The following ATP10A variants were observed in gnomAD, a reference collection of about 807,000 sequenced individuals.
ATP10A encodes ATPase phospholipid transporting 10A (putative), also known as phospholipid-transporting ATPase VA.
In ATP10A, 111 loss-of-function variants were observed where a neutral mutation model predicts 147.8. The observed-to-expected ratio is 0.75, with a 90% CI of 0.64 to 0.88. ATP10A has a LOEUF of 0.88. ATP10A is among the 40% of genes least tolerant of loss of function. The pLI is 0.00. For missense variants in ATP10A, 1,927 were observed against 1,959.0 expected, an observed-to-expected ratio of 0.98 and a Z score of 0.31; for synonymous variants, 875 against 841.6, an observed-to-expected ratio of 1.04 and a Z score of -0.69.
At chr15:25,749,792 C>A (rs1490129289) in intron 2 of ATP10A, among the ~76,000 whole-genome samples, 1 of 151,972 alleles carries the variant, frequency 6.6e-6, no homozygotes, top group East Asian at 1.9e-4. Flanking sequence ...AAAAAAGAGA[C>A]CAAAATTGAA....
At position 25,713,727 on chromosome 15, in the gene ATP10A, T is replaced by A. The variant is rs201969933; in HGVS notation, c.2291A>T (p.Tyr764Phe). 1.1e-5 allele frequency: 17 copies of A among 1,614,070 alleles called. No individual in the cohort carries two copies. Among genetic ancestry groups the A allele is most frequent in the Non-Finnish European group, 1.4e-5 (17 of 1,180,002 alleles). The change falls in exon 10 of 21, where the codon TAC becomes TTC. Residue 764 changes from tyrosine (Y) to phenylalanine (F), a missense_variant. By Grantham distance (22) the Tyr-to-Phe change is conservative. Transcript: ENST00000555815. ...RHPLTDEINVYTKGADSVVMD... is the reference protein window; with the variant it reads ...RHPLTDEINVFTKGADSVVMD... Reference sequence around the variant, plus strand: ...GACCACTGAGTCGGCCCCCTTGGTGTAGACGTTGATCTCATCGGTAAGCGG... The same window carrying A: ...GACCACTGAGTCGGCCCCCTTGGTGAAGACGTTGATCTCATCGGTAAGCGG...
At chr15:25,794,148 C>G (rs1256880336) in intron 1 of ATP10A, among the ~76,000 whole-genome samples, 2 of 152,176 alleles carry the variant, frequency 1.3e-5, no homozygotes, top group South Asian at 2.1e-4. Flanking sequence ...AAAAGCCAGA[C>G]AGGCAGATTG....
chr15:25,783,310 G>C (rs972389550), intron 1 of ATP10A, among the ~76,000 whole-genome samples: 1 of 152,152 alleles, frequency 6.6e-6, no homozygotes, highest in African/African-American at 2.4e-5. Flanking sequence ...ACTCTCACCC[G>C]AGTTCCAAGA....
rs1555468162 is a variant in ATP10A, at chr15:25,777,096, C to CATGTGTGTGTGT, written c.654+3922_654+3923insACACACACACAT. On this transcript the variant is annotated intron_variant, in intron 2 of 20. Coordinates refer to ENST00000555815, the MANE Select transcript of ATP10A (RefSeq NM_024490.4). ...GTGCATGCGTGTGTGTGCATACGTG[C>CATGTGTGTGTGT]GTGTGTGTGTGTGTGTGTGTGTACC... Among the ~76,000 whole-genome samples, 1,072 of 149,802 alleles carry CATGTGTGTGTGT rather than the reference C, an allele frequency of 7.2e-3. 26 individuals carry two copies. Among genetic ancestry groups the CATGTGTGTGTGT allele is most frequent in the East Asian group, 0.051 (257 of 5,040 alleles).
At position 25,727,239 on chromosome 15, in the gene ATP10A, C is replaced by T. The variant is rs1596769073; in HGVS notation, c.768G>A (p.Gly256=). The T allele has an allele frequency of 4.3e-6, 7 of 1,613,960 alleles. No homozygotes were observed. In the East Asian group the frequency reaches 8.9e-5, roughly 21 times the overall value. Residue 256 remains glycine (G), a synonymous_variant, in exon 4 of 21, where the codon GGG becomes GGA. Transcript: ENST00000555815. Reference sequence around the variant, plus strand: ...TCAGCAGCAGGTTTTCTTTATACAGCCCGGCCTTTTTCCCGTTGTCATGTA... The same window carrying T: ...TCAGCAGCAGGTTTTCTTTATACAGTCCGGCCTTTTTCCCGTTGTCATGTA... ...CIIHDNGKKA[G]LYKENLLLRG...
intron 3 of ATP10A, among the ~76,000 whole-genome samples, chr15:25,731,892 G>A (rs1020553349): frequency 2.6e-5 from 4 of 152,184 alleles, no homozygotes; most frequent in African/African-American, 9.7e-5. Flanking sequence ...GTCTCGCTCT[G>A]TTGTCCAGGC....
chr15:25,672,720 G>C (rs1367142580), downstream of ATP10A, among the ~76,000 whole-genome samples: 2 of 152,128 alleles, frequency 1.3e-5, no homozygotes, highest in African/African-American at 2.4e-5. Context: ...CTGTGGTTTT[G>C]TCTTTCTCTA....
intron 5 of ATP10A, 46 bp downstream of exon 5, chr15:25,725,905 A>T (rs775997873): frequency 1.3e-6 from 2 of 1,569,698 alleles, no homozygotes; most frequent in South Asian, 2.3e-5. Context: ...GGCACGAGCC[A>T]CTGCGCCTGG....
intron 1 of ATP10A, among the ~76,000 whole-genome samples, chr15:25,842,427 T>A (rs1289063366): frequency 6.6e-6 from 1 of 152,132 alleles, no homozygotes; most frequent in African/African-American, 2.4e-5. Context: ...CTGTTTCTTG[T>A]TAAATTATTT....
At chr15:25,769,126 C>T (rs1354111224) in intron 2 of ATP10A, among the ~76,000 whole-genome samples, 1 of 152,124 alleles carries the variant, frequency 6.6e-6, no homozygotes, top group Admixed American at 6.5e-5. Context: ...ATCAGATTTT[C>T]GAAGTCTGCC....
chr15:25,819,525 A>G (rs563424331), intron 1 of ATP10A, among the ~76,000 whole-genome samples: 13 of 152,320 alleles, frequency 8.5e-5, no homozygotes, highest in African/African-American at 3.1e-4. Flanking sequence ...GATTTCTCAA[A>G]GAACTAGAAA....
chr15:25,768,250 C>T (rs779771876), intron 2 of ATP10A, among the ~76,000 whole-genome samples: 8 of 152,164 alleles, frequency 5.3e-5, no homozygotes, highest in Non-Finnish European at 8.8e-5. Context: ...GGCTGGTGAG[C>T]GGCAGGGGCT....
intron 16 of ATP10A, among the ~76,000 whole-genome samples, chr15:25,687,371 A>T (rs1041779811): frequency 2.6e-5 from 4 of 151,960 alleles, no homozygotes; most frequent in African/African-American, 9.7e-5. Context: ...GCAGCCTTGA[A>T]GGTTTACCAG....
chr15:25,691,914 ATGGGGG>A lies in ATP10A; in HGVS notation c.3089-129_3089-124del. The A allele has an allele frequency of 3.6e-6, 4 of 1,125,966 alleles. No homozygotes were observed. The Admixed American group carries it at 5.3e-5, about 15-fold the overall frequency. The allele number at this position is 1,125,966 out of a possible 1,614,324, so 69.7% of individuals were successfully genotyped here. A position where few individuals can be genotyped will look rare whatever the true frequency, so the allele number is the denominator to read the frequency against. On this transcript the variant is annotated intron_variant, in intron 14 of 20. Transcript: ENST00000555815. Reference sequence around the variant, plus strand: ...GTCCTGTGAAAGCGTCCTGGGGAAGATGGGGGAAAAAGGAGTAGAGCATCCACCCTG... The same window carrying A: ...GTCCTGTGAAAGCGTCCTGGGGAAGAAAAAAGGAGTAGAGCATCCACCCTG...
intron 13 of ATP10A, among the ~76,000 whole-genome samples, chr15:25,700,585 C>CA (rs1900604245): frequency 6.6e-6 from 1 of 152,134 alleles, no homozygotes; most frequent in African/African-American, 2.4e-5. Flanking sequence ...CTGAAAGTTA[C>CA]ACACTGGAGT....
intron 1 of ATP10A, among the ~76,000 whole-genome samples, chr15:25,843,335 A>T (rs1892892762): frequency 6.6e-6 from 1 of 151,836 alleles, no homozygotes. Flanking sequence ...CACATATGTC[A>T]AAGTTCAGAG....
At chr15:25,851,668 G>C (rs959379529) in intron 1 of ATP10A, among the ~76,000 whole-genome samples, 3 of 152,106 alleles carry the variant, frequency 2.0e-5, no homozygotes, top group African/African-American at 4.8e-5. Context: ...AGTGGGGATC[G>C]GATCTATTCC....
intron 3 of ATP10A, among the ~76,000 whole-genome samples, chr15:25,735,236 C>T (rs1000854918): frequency 3.3e-5 from 5 of 152,202 alleles, no homozygotes; most frequent in African/African-American, 1.2e-4. Context: ...GCCCCTGTCA[C>T]AGCCTTGTTC....
At chr15:25,698,173 T>C (rs1379754769) in intron 13 of ATP10A, among the ~76,000 whole-genome samples, 2 of 152,208 alleles carry the variant, frequency 1.3e-5, no homozygotes, top group Non-Finnish European at 2.9e-5. Flanking sequence ...CATTGGCTCC[T>C]TAATGTGATA....
Sources: allele counts gnomAD v4.1 joint callset (sites outside exome capture counted in the v4.1 genomes callset), GRCh38; gene constraint gnomAD v4.1.1; transcripts MANE v1.5; gene names NCBI Gene and HGNC (gene_info 2026-07-23, HGNC 2026-07-21).